Variants in TRPS1 observed in about 807,000 individuals in gnomAD.
TRPS1 encodes transcriptional repressor GATA binding 1, also known as zinc finger transcription factor Trps1.
Under a neutral mutation model 101.2 loss-of-function variants are expected in TRPS1, and 6 were observed. That is an observed-to-expected ratio of 0.06 (90% CI 0.03 to 0.12). The LOEUF is 0.12. Ranked by LOEUF, TRPS1 falls within the 10% of genes least tolerant of loss-of-function variation. TRPS1 has a pLI of 1.00. For missense variants in TRPS1, 1,363 were observed against 1,567.0 expected (o/e 0.87, Z 2.20); for synonymous variants, 578 against 589.8 (o/e 0.98, Z 0.29).
intron 5 of TRPS1, among the ~76,000 whole-genome samples, chr8:115,559,476 G>C (rs1816898596): frequency 1.3e-5 from 2 of 152,038 alleles, no homozygotes; most frequent in South Asian, 2.1e-4. Context: ...CACCACAAAT[G>C]GTTTATGTTT....
intron 5 of TRPS1, among the ~76,000 whole-genome samples, chr8:115,546,316 C>G (rs1385656591): frequency 6.6e-6 from 1 of 151,782 alleles, no homozygotes; most frequent in Non-Finnish European, 1.5e-5. Context: ...CTAAAAAATG[C>G]TAAATAAACA....
At chr8:115,576,265 A>T (rs1817314904) in intron 5 of TRPS1, among the ~76,000 whole-genome samples, 1 of 151,210 alleles carries the variant, frequency 6.6e-6, no homozygotes, top group South Asian at 2.1e-4. Context: ...ATCATATTTA[A>T]GAATTTGTAG....
rs10099312 is a variant in TRPS1, at chr8:115,442,456, G to T, written c.2701-24004C>A. On this transcript the variant is annotated intron_variant, in intron 5 of 6. Transcript: ENST00000395715. The stretch of plus-strand genomic sequence containing the variant: ...AATTCTGTCTATGGCAATAAATAGG[G>T]GGCTGCACTAATACATATATAATGT... Among the ~76,000 whole-genome samples, 1,392 of 152,114 alleles carry T rather than the reference G, an allele frequency of 9.2e-3. 23 individuals carry two copies. Among genetic ancestry groups the T allele is most frequent in the African/African-American group, 0.029 (1,219 of 41,496 alleles).
In TRPS1 at chr8:115,604,191, T is replaced by C; in HGVS notation, c.1778A>G (p.Glu593Gly). 6.2e-7 allele frequency: 1 copy of C among 1,614,048 alleles called. No homozygotes were observed. The highest frequency in any genetic ancestry group is 2.2e-5 in the East Asian group (1 of 44,874). Residue 593 changes from glutamate (E) to glycine (G), a missense_variant, in exon 4 of 7, where the codon GAA (glutamate) becomes GGA (glycine). Physicochemically the swap from Glu to Gly is moderately conservative, Grantham distance 98 (BLOSUM62 -2). Around this residue, in one of 5 missense-constraint regions of TRPS1, gnomAD observed 1,020 missense variants for 1,073.0 expected, o/e 0.95. Transcript: ENST00000395715. The surrounding 1 kb of genome is among the most constrained non-coding windows in gnomAD (Gnocchi z 4.1). ...GLCSPEKHLG[E>G]ITYPFACRKS... ...TCTACAAGCAAACGGATAAGTAATT[T>C]CTCCAAGGTGCTTTTCTGGGCTGCA...
chr8:115,562,799 A>G (rs1028648916), intron 5 of TRPS1, among the ~76,000 whole-genome samples: 2 of 152,082 alleles, frequency 1.3e-5, no homozygotes, highest in South Asian at 4.1e-4. Context: ...GAGATGGCAC[A>G]TAACTTTTCT....
At chr8:115,602,138 AGTGCGT>A (rs1197453598) in intron 4 of TRPS1, among the ~76,000 whole-genome samples, 3 of 152,000 alleles carry the variant, frequency 2.0e-5, no homozygotes, top group Non-Finnish European at 4.4e-5. Flanking sequence ...TATCAGAATG[AGTGCGT>A]GTGCGTGTGT....
chr8:115,629,486 T>C (rs1818590599), intron 1 of TRPS1, among the ~76,000 whole-genome samples: 1 of 151,938 alleles, frequency 6.6e-6, no homozygotes, highest in Admixed American at 6.6e-5. Flanking sequence ...ATGTTATCTT[T>C]GAGCTAAATA....
chr8:115,520,084 T>G (rs1815820483), intron 5 of TRPS1, among the ~76,000 whole-genome samples: 1 of 151,662 alleles, frequency 6.6e-6, no homozygotes, highest in African/African-American at 2.4e-5. Context: ...TAATCATAAT[T>G]GTTTTGCAAA....
intron 5 of TRPS1, among the ~76,000 whole-genome samples, chr8:115,533,286 T>G (rs1300544752): frequency 6.6e-6 from 1 of 152,126 alleles, no homozygotes; most frequent in Non-Finnish European, 1.5e-5. Context: ...CTCTGGTGAA[T>G]CAAGGTCAGT....
At chr8:115,628,081 G>A (rs1310156232) in intron 1 of TRPS1, among the ~76,000 whole-genome samples, 1 of 151,778 alleles carries the variant, frequency 6.6e-6, no homozygotes, top group African/African-American at 2.4e-5. Context: ...GTGTGCATGT[G>A]CATGTGTGTG....
intron 5 of TRPS1, among the ~76,000 whole-genome samples, chr8:115,528,110 G>C (rs576822989): frequency 6.6e-6 from 1 of 152,138 alleles, no homozygotes; most frequent in South Asian, 2.1e-4. Context: ...GCAGAAAAAA[G>C]TAAGTAACTT....
chr8:115,552,212 C>CT (rs1021696241), intron 5 of TRPS1, among the ~76,000 whole-genome samples: 1 of 151,880 alleles, frequency 6.6e-6, no homozygotes, highest in Non-Finnish European at 1.5e-5. Context: ...ACAGTATATG[C>CT]TTTTTTTTCC....
chr8:115,472,260 A>T (rs1814490634), intron 5 of TRPS1, among the ~76,000 whole-genome samples: 1 of 152,132 alleles, frequency 6.6e-6, no homozygotes, highest in Non-Finnish European at 1.5e-5. Context: ...TCAATTCTTG[A>T]CTTCTGTGAA....
chr8:115,508,463 A>G (rs148565572), intron 5 of TRPS1, among the ~76,000 whole-genome samples: 2 of 152,196 alleles, frequency 1.3e-5, no homozygotes, highest in African/African-American at 2.4e-5. Flanking sequence ...TTCATGATAC[A>G]GTAAATTTCT....
At chr8:115,520,307 TA>T (rs1416448116) in intron 5 of TRPS1, among the ~76,000 whole-genome samples, 1 of 151,654 alleles carries the variant, frequency 6.6e-6, no homozygotes, top group Admixed American at 6.6e-5. Context: ...AAAGAGCAAT[TA>T]AAGTACAGAA....
chr8:115,627,520 A>G (rs189213677), intron 1 of TRPS1, among the ~76,000 whole-genome samples: 1 of 151,926 alleles, frequency 6.6e-6, no homozygotes, highest in African/African-American at 2.4e-5. Context: ...CTCATCGAAG[A>G]GTATAAATGT....
At chr8:115,444,601 T>G (rs1586279490) in intron 5 of TRPS1, among the ~76,000 whole-genome samples, 1 of 152,210 alleles carries the variant, frequency 6.6e-6, no homozygotes, top group Admixed American at 6.5e-5. Flanking sequence ...CACTAACCTA[T>G]GAGCTTCTAG....
intron 5 of TRPS1, among the ~76,000 whole-genome samples, chr8:115,468,210 T>C (rs921662998): frequency 1.3e-5 from 2 of 152,248 alleles, no homozygotes; most frequent in African/African-American, 2.4e-5. Context: ...AAGGATCATA[T>C]GCCCTACAGT....
At chr8:115,472,733 A>C (rs756863455) in intron 5 of TRPS1, among the ~76,000 whole-genome samples, 2 of 152,182 alleles carry the variant, frequency 1.3e-5, no homozygotes, top group Non-Finnish European at 2.9e-5. Context: ...ACAACACCCA[A>C]GTCACCTCTT....
Sources: allele counts gnomAD v4.1 joint callset (sites outside exome capture counted in the v4.1 genomes callset), GRCh38; gene constraint gnomAD v4.1.1; regional missense constraint gnomAD v4.1.1; non-coding constraint Gnocchi (gnomAD v3.1); transcripts MANE v1.5; gene names NCBI Gene and HGNC (gene_info 2026-07-23, HGNC 2026-07-21).